CSMD1: variants seen among roughly 807,000 people sequenced by gnomAD.
CSMD1 encodes the protein CUB and sushi domain-containing protein 1.
A neutral mutation model predicts 417.5 loss-of-function variants in CSMD1; 213 were observed. The ratio of observed to expected loss-of-function variants is 0.51; its 90% CI spans 0.46 to 0.57. The LOEUF is 0.57. Among genes scored for constraint, CSMD1 ranks in the 20% least tolerant of loss-of-function variants. The probability of loss-of-function intolerance (pLI) is 0.00; values close to 1 mark genes in which losing one functional copy is unlikely to be tolerated. For synonymous variants in CSMD1, 2,862 were observed against 1,736.8 expected (o/e 1.65, Z -16.11); for missense variants, 6,923 against 4,529.7 (o/e 1.53, Z -15.17).
intron 3 of CSMD1, among the ~76,000 whole-genome samples, chr8:4,045,472 G>T (rs1301756266): frequency 1.3e-5 from 2 of 152,216 alleles, no homozygotes; most frequent in African/African-American, 4.8e-5. Context: ...TGGTGCTGGG[G>T]TCAGAACACT....
intron 7 of CSMD1, among the ~76,000 whole-genome samples, chr8:3,698,556 G>A (rs1239891799): frequency 1.3e-5 from 2 of 152,210 alleles, no homozygotes; most frequent in Admixed American, 6.5e-5. Flanking sequence ...CTGCAGCAGT[G>A]TTAGAAATCA....
In CSMD1 at chr8:3,467,198, CT is replaced by C. The variant is rs112346822; in HGVS notation, c.1561+1513del. Among the ~76,000 whole-genome samples the C allele has an allele frequency of 3.3e-5, 5 of 152,322 alleles. 1 individual carries two copies. Among genetic ancestry groups the C allele is most frequent in the African/African-American group, 1.2e-4 (5 of 41,572 alleles). ...TACCTTTTATTGGGACTACTTATGT[CT>C]CTTCATAGTCAAGGATGCAGTTTGG... On this transcript the variant is annotated intron_variant, in intron 12 of 69. Transcript: ENST00000635120.
intron 1 of CSMD1, among the ~76,000 whole-genome samples, chr8:4,702,549 TG>T (rs1807643553): frequency 2.0e-5 from 3 of 152,222 alleles, no homozygotes; most frequent in Admixed American, 2.0e-4. Flanking sequence ...AAGACATTCA[TG>T]AATTATAAAT....
At chr8:3,166,655 G>C (rs1259018044) in intron 37 of CSMD1, among the ~76,000 whole-genome samples, 1 of 152,108 alleles carries the variant, frequency 6.6e-6, no homozygotes, top group Non-Finnish European at 1.5e-5. Context: ...CAAGCCAGGG[G>C]TAGCAGTATC....
At chr8:4,848,788 G>A (rs1402863399) in intron 1 of CSMD1, among the ~76,000 whole-genome samples, 1 of 152,120 alleles carries the variant, frequency 6.6e-6, no homozygotes, top group Non-Finnish European at 1.5e-5. Flanking sequence ...AGGTGATTCG[G>A]CCGTCTCAGC....
chr8:4,460,653 TAAG>T (rs751167653), intron 2 of CSMD1, among the ~76,000 whole-genome samples: 25 of 152,278 alleles, frequency 1.6e-4, no homozygotes, highest in Non-Finnish European at 2.4e-4. Flanking sequence ...TACAGATATT[TAAG>T]AAGAAGACTG....
intron 6 of CSMD1, among the ~76,000 whole-genome samples, chr8:3,740,555 C>T (rs1796747235): frequency 6.6e-6 from 1 of 152,046 alleles, no homozygotes; most frequent in Non-Finnish European, 1.5e-5. Flanking sequence ...GGATTTCTGC[C>T]ACAGGGAAAG....
chr8:3,599,530 G>A (rs1025546020), intron 8 of CSMD1, among the ~76,000 whole-genome samples: 11 of 152,120 alleles, frequency 7.2e-5, no homozygotes, highest in African/African-American at 2.2e-4. Context: ...TAACCCCAAC[G>A]CAGCATTGTT....
chr8:4,767,438 C>G (rs985351747), intron 1 of CSMD1, among the ~76,000 whole-genome samples: 2 of 152,116 alleles, frequency 1.3e-5, no homozygotes, highest in African/African-American at 4.8e-5. Flanking sequence ...ATCATCCTGA[C>G]CAATCCCGCA....
At chr8:4,361,088 T>G (rs1454138571) in intron 3 of CSMD1, among the ~76,000 whole-genome samples, 2 of 152,214 alleles carry the variant, frequency 1.3e-5, no homozygotes, top group African/African-American at 4.8e-5. Flanking sequence ...TTGTCAGTTC[T>G]CATGCTACAC....
chr8:4,371,259 C>G (rs1802378463), intron 3 of CSMD1, among the ~76,000 whole-genome samples: 3 of 152,138 alleles, frequency 2.0e-5, no homozygotes, highest in African/African-American at 7.2e-5. Flanking sequence ...AGCAGTTTGG[C>G]TTCTAGTCCC....
chr8:3,501,319 G>T (rs969686917), intron 10 of CSMD1, among the ~76,000 whole-genome samples: 1 of 151,992 alleles, frequency 6.6e-6, no homozygotes, highest in African/African-American at 2.4e-5. Context: ...TGCATCATTG[G>T]GTTTCTTCCT....
chr8:3,809,578 G>A (rs186713408), intron 5 of CSMD1, among the ~76,000 whole-genome samples: 11 of 152,268 alleles, frequency 7.2e-5, no homozygotes, highest in African/African-American at 2.6e-4. Context: ...GCTTGTGAAA[G>A]TGTAGATAGT....
intron 11 of CSMD1, among the ~76,000 whole-genome samples, chr8:3,477,088 A>C (rs1206455457): frequency 6.6e-6 from 1 of 152,212 alleles, no homozygotes; most frequent in African/African-American, 2.4e-5. Context: ...ATCTGTACAC[A>C]CAGAAAGTTC....
rs1239710859 is a variant in CSMD1 at position 4,187,802 on chromosome 8, T to A, written c.416-155703A>T. 4.6e-5 allele frequency among the ~76,000 whole-genome samples: 7 copies of A among 152,222 alleles called. No individual in the cohort carries two copies. The East Asian group carries it at 1.4e-3, about 29-fold the overall frequency. On this transcript the variant is annotated intron_variant, in intron 3 of 69. Transcript: ENST00000635120. ...ATAGTAAAATAGGCAGGTATTATTA[T>A]TATTTTCCAAAATCACAGTTTCAGA...
chr8:3,986,803 T>G (rs1814357822), intron 5 of CSMD1, among the ~76,000 whole-genome samples: 1 of 152,122 alleles, frequency 6.6e-6, no homozygotes, highest in African/African-American at 2.4e-5. Context: ...TTGCCCAGGC[T>G]GGAATGCAGT....
chr8:4,420,283 A>T (rs1797173750), intron 2 of CSMD1, among the ~76,000 whole-genome samples: 1 of 152,184 alleles, frequency 6.6e-6, no homozygotes, highest in East Asian at 1.9e-4. Context: ...ACTTGAGAGA[A>T]TTTCTTCTTG....
intron 3 of CSMD1, among the ~76,000 whole-genome samples, chr8:4,077,520 A>C (rs545251528): frequency 1.3e-5 from 2 of 151,918 alleles, no homozygotes; most frequent in Non-Finnish European, 2.9e-5. Context: ...CTTTTTTACC[A>C]TCACACTGAA....
At chr8:3,319,335 T>C (rs1805992521) in intron 23 of CSMD1, among the ~76,000 whole-genome samples, 2 of 152,204 alleles carry the variant, frequency 1.3e-5, no homozygotes, top group Admixed American at 1.3e-4. Flanking sequence ...CATGGCAAAG[T>C]ACAAATGAAA....
Sources: allele counts gnomAD v4.1 joint callset (sites outside exome capture counted in the v4.1 genomes callset), GRCh38; gene constraint gnomAD v4.1.1; transcripts MANE v1.5; gene names NCBI Gene and HGNC (gene_info 2026-07-23, HGNC 2026-07-21).